The following TENM4 variants were observed in gnomAD, a reference collection of about 807,000 sequenced individuals.
The protein encoded by TENM4 is teneurin transmembrane protein 4, also known as teneurin-4.
In TENM4, 82 loss-of-function variants were observed where a neutral mutation model predicts 243.3. That is an observed-to-expected ratio of 0.34 (90% CI 0.28 to 0.40). The LOEUF (loss-of-function observed/expected upper bound fraction) is 0.40. TENM4 is among the 10% of genes least tolerant of loss of function. The probability of loss-of-function intolerance (pLI) is 1.00; values close to 1 mark genes in which losing one functional copy is unlikely to be tolerated. For missense variants in TENM4, 3,138 were observed against 3,673.3 expected, an observed-to-expected ratio of 0.85 and a Z score of 3.77; for synonymous variants, 1,412 against 1,456.3, an observed-to-expected ratio of 0.97 and a Z score of 0.69.
rs1469866024 is a variant in TENM4 at position 78,954,291 on chromosome 11, G to A, written c.494-50768C>T. 2.6e-5 allele frequency among the ~76,000 whole-genome samples: 4 copies of A among 152,224 alleles called. 1 individual carries two copies. The highest frequency in any genetic ancestry group is 4.1e-4 in the South Asian group (2 of 4,830). On this transcript the variant is annotated intron_variant, in intron 6 of 33. Coordinates refer to ENST00000278550, the MANE Select transcript of TENM4 (RefSeq NM_001098816.3). The stretch of plus-strand genomic sequence containing the variant: ...GAAGAAGGATGGGCCTGAGAGCAGC[G>A]AGAGATGTTTATTCTCAAGGTGAGC...
At chr11:79,380,173 A>T (rs1857972468) in intron 1 of TENM4, among the ~76,000 whole-genome samples, 1 of 152,202 alleles carries the variant, frequency 6.6e-6, no homozygotes, top group Non-Finnish European at 1.5e-5. Context: ...ATCTCCAGAA[A>T]TGCAGCAAAT....
intron 14 of TENM4, among the ~76,000 whole-genome samples, chr11:78,808,289 CTAAATGA>C (rs375761463): frequency 3.6e-4 from 55 of 152,248 alleles, no homozygotes; most frequent in African/African-American, 1.3e-3. Context: ...ACCTAATAAC[CTAAATGA>C]TAAATAAGAC....
chr11:78,899,559 C>G (rs1001699896), intron 7 of TENM4, among the ~76,000 whole-genome samples: 34 of 29,618 alleles, frequency 1.1e-3, no homozygotes, highest in South Asian at 2.0e-3. Context: ...TCTCAAAAAG[C>G]GGGGGGGGGG....
chr11:78,862,187 G>C (rs1049670624), intron 10 of TENM4, among the ~76,000 whole-genome samples: 3 of 152,106 alleles, frequency 2.0e-5, no homozygotes, highest in Non-Finnish European at 2.9e-5. Context: ...AGTCAGGTGG[G>C]GAAGCTTATG....
At chr11:79,129,964 G>A (rs890704867) in intron 4 of TENM4, among the ~76,000 whole-genome samples, 1 of 152,108 alleles carries the variant, frequency 6.6e-6, no homozygotes, top group African/African-American at 2.4e-5. Context: ...CCAAAGCTAA[G>A]AACCCTCACA....
chr11:79,032,301 C>T (rs2136861233), intron 6 of TENM4, among the ~76,000 whole-genome samples: 1 of 152,272 alleles, frequency 6.6e-6, no homozygotes, highest in Non-Finnish European at 1.5e-5. Context: ...TCCCTTTAGC[C>T]TTCTGGAATT....
intron 6 of TENM4, among the ~76,000 whole-genome samples, chr11:78,991,463 A>C (rs1858044322): frequency 6.6e-6 from 1 of 152,188 alleles, no homozygotes; most frequent in Admixed American, 6.5e-5. Flanking sequence ...GCACTTGTTG[A>C]ATGCTTGTGC....
At chr11:79,195,447 T>A (rs953661923) in intron 3 of TENM4, among the ~76,000 whole-genome samples, 1 of 152,082 alleles carries the variant, frequency 6.6e-6, no homozygotes, top group African/African-American at 2.4e-5. Context: ...GGCTGTACCC[T>A]GCAAAGCCAA....
At chr11:78,909,135 T>C (rs1856126216) in intron 6 of TENM4, among the ~76,000 whole-genome samples, 1 of 152,128 alleles carries the variant, frequency 6.6e-6, no homozygotes, top group Admixed American at 6.5e-5. Context: ...TACATAGAGA[T>C]TGAGAAATAA....
chr11:79,035,391 C>T (rs1378814821), intron 6 of TENM4, among the ~76,000 whole-genome samples: 1 of 152,172 alleles, frequency 6.6e-6, no homozygotes, highest in Non-Finnish European at 1.5e-5. Flanking sequence ...CATTTGCACC[C>T]TACAGCTCTG....
chr11:79,420,416 C>A (rs1453227165), intron 1 of TENM4, among the ~76,000 whole-genome samples: 2 of 152,268 alleles, frequency 1.3e-5, no homozygotes, highest in African/African-American at 4.8e-5. Context: ...TAATCAGAAC[C>A]CTACAGATTC....
intron 2 of TENM4, among the ~76,000 whole-genome samples, chr11:79,285,252 T>TAA (rs71465986): frequency 2.4e-4 from 35 of 146,774 alleles, no homozygotes; most frequent in African/African-American, 5.3e-4. Flanking sequence ...AATAAATAAA[T>TAA]AAAAAAAAAG....
chr11:79,262,741 T>G (rs78863039), intron 2 of TENM4, among the ~76,000 whole-genome samples: 6,132 of 152,322 alleles, frequency 0.04, 418 homozygotes, highest in African/African-American at 0.14. Context: ...CGGCTAAGCC[T>G]TAGGCTGGCT....
intron 2 of TENM4, among the ~76,000 whole-genome samples, chr11:79,220,048 G>T (rs1288909068): frequency 6.6e-6 from 1 of 152,226 alleles, no homozygotes; most frequent in Non-Finnish European, 1.5e-5. Flanking sequence ...AGAAACCCGG[G>T]AGAAAATCTT....
intron 14 of TENM4, among the ~76,000 whole-genome samples, chr11:78,808,108 C>T (rs1010129757): frequency 1.3e-5 from 2 of 152,122 alleles, no homozygotes; most frequent in African/African-American, 4.8e-5. Context: ...ATTTTGTAAC[C>T]TGGTATATTT....
At chr11:79,174,843 G>A (rs1863125647) in intron 3 of TENM4, among the ~76,000 whole-genome samples, 1 of 152,208 alleles carries the variant, frequency 6.6e-6, no homozygotes, top group Non-Finnish European at 1.5e-5. Flanking sequence ...ACAGCTCCCA[G>A]CTGTTGTTAG....
At position 79,359,654 on chromosome 11, in the gene TENM4, G is replaced by C. The variant is rs146420556; in HGVS notation, c.-320-62111C>G. ...CTGCTGGGAAGTGCTGAGGTCGAAG[G>C]GGGGAGGGTGAGAATAGGGGCAATG... On this transcript the variant is annotated intron_variant, in intron 1 of 33. Coordinates refer to ENST00000278550, the MANE Select transcript of TENM4 (RefSeq NM_001098816.3). Among the ~76,000 whole-genome samples, 59 of 152,288 alleles carry C rather than the reference G, an allele frequency of 3.9e-4. No homozygotes were observed. The East Asian group carries it at 4.8e-3, about 12-fold the overall frequency.
At chr11:79,228,039 C>T (rs1864304218) in intron 2 of TENM4, among the ~76,000 whole-genome samples, 1 of 152,190 alleles carries the variant, frequency 6.6e-6, no homozygotes. Flanking sequence ...ATTTTAGTGA[C>T]TGCTGAGAGA....
At chr11:79,126,893 A>G (rs1306738287) in intron 4 of TENM4, among the ~76,000 whole-genome samples, 2 of 152,230 alleles carry the variant, frequency 1.3e-5, no homozygotes, top group Non-Finnish European at 2.9e-5. Flanking sequence ...AGAAAGGGAA[A>G]TGATCAGACA....
Sources: allele counts gnomAD v4.1 joint callset (sites outside exome capture counted in the v4.1 genomes callset), GRCh38; gene constraint gnomAD v4.1.1; transcripts MANE v1.5; gene names NCBI Gene and HGNC (gene_info 2026-07-23, HGNC 2026-07-21).